Variants in CNR1 observed in about 807,000 individuals in gnomAD.
CNR1 encodes the protein cannabinoid receptor 1.
CNR1 carries 10 observed loss-of-function variants against 23.0 expected under a neutral mutation model. The observed-to-expected ratio is 0.43, with a 90% CI of 0.27 to 0.74. The LOEUF is 0.74. CNR1 is among the 30% of genes least tolerant of loss of function. The pLI is 0.19. For synonymous variants in CNR1, 271 were observed against 255.2 expected (o/e 1.06, Z -0.59); for missense variants, 422 against 618.8 (o/e 0.68, Z 3.37).
Position 88,143,306 on chromosome 6 carries a change from A to T in CNR1, c.*550T>A, listed in dbSNP as rs906335753. 6.5e-6 allele frequency: 1 copy of T among 152,916 alleles called. No homozygotes were observed. Among genetic ancestry groups the T allele is most frequent in the Non-Finnish European group, 1.5e-5 (1 of 68,154 alleles). 9.5% of individuals were successfully genotyped at this position (152,916 alleles called of 1,614,324 possible). A position where few individuals can be genotyped will look rare whatever the true frequency, so the allele number is the denominator to read the frequency against. On this transcript the variant is annotated 3_prime_UTR_variant, in exon 2 of 2. Coordinates refer to ENST00000369501, the MANE Select transcript of CNR1 (RefSeq NM_016083.6). ...GGGCAATAATATAGAAAAAAAGTGC[A>T]CACATTGACACGTATCCACTGCTTG...
At position 88,141,089 on chromosome 6, in the gene CNR1, G is replaced by A. The variant is rs529633043; in HGVS notation, c.*2767C>T. ...GGAAAGTAAGATACCTCTGATGTCA[G>A]ACCTTATAAAACTTACTTAAATTTA... On this transcript the variant is annotated 3_prime_UTR_variant, in exon 2 of 2. Coordinates refer to ENST00000369501, the MANE Select transcript of CNR1 (RefSeq NM_016083.6). The A allele has an allele frequency of 6.6e-6, 1 of 152,408 alleles. No individual in the cohort carries two copies. The highest frequency in any genetic ancestry group is 1.5e-5 in the Non-Finnish European group (1 of 68,014). The allele number at this position is 152,408 out of a possible 1,614,324, so 9.4% of individuals were successfully genotyped here.
At chr6:88,161,739 T>C (rs1232911791) in intron 1 of CNR1, among the ~76,000 whole-genome samples, 2 of 152,302 alleles carry the variant, frequency 1.3e-5, no homozygotes, top group East Asian at 3.9e-4. Context: ...TGGAAGTTGC[T>C]TGCTCTCACA....
rs368793597 is a variant in CNR1 at position 88,155,776 on chromosome 6, C to T, written c.-64+10027G>A. Among the ~76,000 whole-genome samples the T allele has an allele frequency of 5.9e-5, 9 of 152,312 alleles. No homozygotes were observed. The South Asian group carries it at 1.0e-3, about 18-fold the overall frequency. On this transcript the variant is annotated intron_variant, in intron 1 of 1. Transcript: ENST00000369501. ...TAACTCTGCATTAGTACCTTGTTTG[C>T]AGTCACTGGTGCTAATGGCAGTAAC...
chr6:88,161,105 A>C (rs9450900), intron 1 of CNR1, among the ~76,000 whole-genome samples: 24,297 of 152,262 alleles, frequency 0.16, 2,355 homozygotes, highest in African/African-American at 0.27. Context: ...AAAATATAGA[A>C]TATTATGCAA....
At chr6:88,154,021 TC>T in intron 1 of CNR1, among the ~76,000 whole-genome samples, 1 of 152,336 alleles carries the variant, frequency 6.6e-6, no homozygotes, top group South Asian at 2.1e-4. Context: ...AAATACATAA[TC>T]TTTTTTCCTT....
chr6:88,161,365 C>G (rs1206051970), intron 1 of CNR1, among the ~76,000 whole-genome samples: 1 of 152,138 alleles, frequency 6.6e-6, no homozygotes, highest in Non-Finnish European at 1.5e-5. Context: ...CCTCAAAAAC[C>G]CATACAAACT....
chr6:88,142,901 C>T lies in CNR1; in HGVS notation c.*955G>A, dbSNP rs1015285781. ...TACTTAAACCTGGAATATAGGAACACAATACTATTCAAGTAAACAGCAACT... is the reference window on the plus strand; with the variant it reads ...TACTTAAACCTGGAATATAGGAACATAATACTATTCAAGTAAACAGCAACT... On this transcript the variant is annotated 3_prime_UTR_variant, in exon 2 of 2. Transcript: ENST00000369501. The T allele has an allele frequency of 3.9e-5, 6 of 152,746 alleles. No individual in the cohort carries two copies. In the South Asian group the frequency reaches 6.2e-4, roughly 16 times the overall value. 9.5% of individuals were successfully genotyped at this position (152,746 alleles called of 1,614,324 possible). A position where few individuals can be genotyped will look rare whatever the true frequency, so the allele number is the denominator to read the frequency against.
Position 88,141,076 on chromosome 6 carries a change from A to T in CNR1, c.*2780T>A, listed in dbSNP as rs1776786619. 2 of 152,320 alleles carry T rather than the reference A, an allele frequency of 1.3e-5. No individual in the cohort carries two copies. The highest frequency in any genetic ancestry group is 4.8e-5 in the African/African-American group (2 of 41,430). 9.4% of individuals were successfully genotyped at this position (152,320 alleles called of 1,614,324 possible). A position where few individuals can be genotyped will look rare whatever the true frequency, so the allele number is the denominator to read the frequency against. On this transcript the variant is annotated 3_prime_UTR_variant, in exon 2 of 2. Transcript: ENST00000369501. Reference sequence around the variant, plus strand: ...CATCATCCTCAGAGGAAAGTAAGATACCTCTGATGTCAGACCTTATAAAAC... The same window carrying T: ...CATCATCCTCAGAGGAAAGTAAGATTCCTCTGATGTCAGACCTTATAAAAC...
chr6:88,144,191 T>C lies in CNR1; in HGVS notation c.1084A>G (p.Ile362Val), dbSNP rs1260522317. 3 of 1,613,192 alleles carry C rather than the reference T, an allele frequency of 1.9e-6. No individual in the cohort carries two copies. The highest frequency in any genetic ancestry group is 1.3e-5 in the African/African-American group (1 of 74,810). Residue 362 changes from isoleucine (I) to valine (V), a missense_variant, in exon 2 of 2, where the codon ATC (isoleucine) becomes GTC (valine). By Grantham distance (29) the Ile-to-Val change is conservative. Coordinates refer to ENST00000369501, the MANE Select transcript of CNR1 (RefSeq NM_016083.6). The surrounding 1 kb of genome is among the most constrained non-coding windows in gnomAD (Gnocchi z 7.8). The part of the protein sequence containing the change: ...LIICWGPLLA[I>V]MVYDVFGKMN... The stretch of plus-strand genomic sequence containing the variant: ...TTCCCAAAGACATCATACACCATGA[T>C]TGCAAGCAGAGGGCCCCAGCAGATG...
chr6:88,159,619 C>T (rs1293439540), intron 1 of CNR1, among the ~76,000 whole-genome samples: 1 of 152,104 alleles, frequency 6.6e-6, no homozygotes, highest in African/African-American at 2.4e-5. Flanking sequence ...ATCTCATTTC[C>T]AAAAGTAGCT....
rs1213503024 is a variant in CNR1 at position 88,143,283 on chromosome 6, G to A, written c.*573C>T. ...GTTTATTTCTAAAGTTATATCATGGGCAATAATATAGAAAAAAAGTGCACA... is the reference window on the plus strand; with the variant it reads ...GTTTATTTCTAAAGTTATATCATGGACAATAATATAGAAAAAAAGTGCACA... On this transcript the variant is annotated 3_prime_UTR_variant, in exon 2 of 2. Coordinates refer to ENST00000369501, the MANE Select transcript of CNR1 (RefSeq NM_016083.6). The A allele has an allele frequency of 6.6e-6, 1 of 152,638 alleles. No homozygotes were observed. The highest frequency in any genetic ancestry group is 2.4e-5 in the African/African-American group (1 of 41,412). 9.5% of individuals were successfully genotyped at this position (152,638 alleles called of 1,614,324 possible).
At chr6:88,158,713 AG>A (rs948741746) in intron 1 of CNR1, among the ~76,000 whole-genome samples, 1 of 152,214 alleles carries the variant, frequency 6.6e-6, no homozygotes, top group African/African-American at 2.4e-5. Context: ...CTAAATGAGA[AG>A]GGGAAGTAGA....
upstream of CNR1, among the ~76,000 whole-genome samples, chr6:88,166,635 C>T (rs1266878729): frequency 6.6e-6 from 1 of 152,194 alleles, no homozygotes; most frequent in Non-Finnish European, 1.5e-5. Context: ...CTGCCATGAC[C>T]TCGCTGTGCT....
At chr6:88,158,651 A>G (rs1777927405) in intron 1 of CNR1, among the ~76,000 whole-genome samples, 1 of 152,222 alleles carries the variant, frequency 6.6e-6, no homozygotes, top group African/African-American at 2.4e-5. Flanking sequence ...GCTCTAGCAC[A>G]TTCTGACGTT....
At chr6:88,156,717 C>T (rs532303073) in intron 1 of CNR1, among the ~76,000 whole-genome samples, 1 of 152,274 alleles carries the variant, frequency 6.6e-6, no homozygotes, top group South Asian at 2.1e-4. Flanking sequence ...GGCACAGTGC[C>T]TGGCACAGAG....
At chr6:88,156,445 A>G (rs1354264178) in intron 1 of CNR1, among the ~76,000 whole-genome samples, 3 of 152,132 alleles carry the variant, frequency 2.0e-5, no homozygotes. Flanking sequence ...CCACCCCTCC[A>G]CCTCGAATAC....
intron 1 of CNR1, among the ~76,000 whole-genome samples, chr6:88,149,697 G>A (rs1267775569): frequency 6.6e-6 from 1 of 152,166 alleles, no homozygotes; most frequent in Non-Finnish European, 1.5e-5. Flanking sequence ...CTGGATAGAA[G>A]CTCTCTGCCT....
intron 1 of CNR1, among the ~76,000 whole-genome samples, chr6:88,155,767 C>T (rs1040688791): frequency 6.6e-6 from 1 of 152,194 alleles, no homozygotes; most frequent in African/African-American, 2.4e-5. Context: ...TGCATTAGTA[C>T]CTTGTTTGCA....
chr6:88,155,371 A>C (rs1393449286), intron 1 of CNR1, among the ~76,000 whole-genome samples: 2 of 152,248 alleles, frequency 1.3e-5, no homozygotes, highest in Admixed American at 6.5e-5. Context: ...GAAAAAATAT[A>C]TTATTTTTCC....
Sources: allele counts gnomAD v4.1 joint callset (sites outside exome capture counted in the v4.1 genomes callset), GRCh38; gene constraint gnomAD v4.1.1; non-coding constraint Gnocchi (gnomAD v3.1); transcripts MANE v1.5; gene names NCBI Gene and HGNC (gene_info 2026-07-23, HGNC 2026-07-21).